The following DPP6 variants were observed in gnomAD, a reference collection of about 807,000 sequenced individuals.
DPP6 encodes A-type potassium channel modulatory protein DPP6.
DPP6 carries 69 observed loss-of-function variants against 122.6 expected under a neutral mutation model. That is an observed-to-expected ratio of 0.56 (90% CI 0.46 to 0.69). The LOEUF is 0.69. Ranked by LOEUF, DPP6 falls within the 30% of genes least tolerant of loss-of-function variation. The pLI is 0.00. For synonymous variants in DPP6, 418 were observed against 433.1 expected (o/e 0.97, Z 0.43); for missense variants, 928 against 1,116.9 (o/e 0.83, Z 2.41).
chr7:154,453,796 G>T (rs1820595757), intron 2 of DPP6, among the ~76,000 whole-genome samples: 1 of 151,834 alleles, frequency 6.6e-6, no homozygotes, highest in African/African-American at 2.4e-5. Context: ...GTAATCATCT[G>T]GTATGTCTAC....
chr7:154,133,469 A>C (rs1021098132), intron 1 of DPP6, among the ~76,000 whole-genome samples: 8 of 152,150 alleles, frequency 5.3e-5, no homozygotes, highest in African/African-American at 1.4e-4. Flanking sequence ...TCAGGGCTCA[A>C]GAGCTGGAGA....
chr7:153,868,289 T>G, the DPP6 span, among the ~76,000 whole-genome samples: 14 of 152,274 alleles, frequency 9.2e-5, 1 homozygote, highest in African/African-American at 3.4e-4. Context: ...CATGGACTTT[T>G]TTTGGTTGGT....
intron 5 of DPP6, among the ~76,000 whole-genome samples, chr7:154,608,082 C>A (rs1275793092): frequency 7.2e-6 from 1 of 139,850 alleles, no homozygotes; most frequent in Non-Finnish European, 1.6e-5. Context: ...CAGGTTCAAG[C>A]AATTCTCCTG....
chr7:154,308,248 GAAATTAGAAAAAA>G (rs1806534438), intron 1 of DPP6, among the ~76,000 whole-genome samples: 2 of 138,228 alleles, frequency 1.4e-5, no homozygotes, highest in African/African-American at 5.3e-5. Flanking sequence ...AATTAGGGGG[GAAATTAGAAAAAA>G]AAAAGATTTT....
At chr7:153,850,696 C>A in the DPP6 span, among the ~76,000 whole-genome samples, 17 of 152,272 alleles carry the variant, frequency 1.1e-4, 1 homozygote, top group Admixed American at 9.8e-4. Flanking sequence ...TTGTGTCTTA[C>A]ATGGTGGCAG....
intron 1 of DPP6, among the ~76,000 whole-genome samples, chr7:153,929,508 C>T (rs1287141832): frequency 6.6e-6 from 1 of 151,944 alleles, no homozygotes. Flanking sequence ...TAGGAGTCAT[C>T]AGCAACTAGA....
At chr7:154,275,725 C>T (rs553445808) in intron 1 of DPP6, among the ~76,000 whole-genome samples, 5 of 152,312 alleles carry the variant, frequency 3.3e-5, no homozygotes, top group African/African-American at 9.6e-5. Flanking sequence ...CTCTGTGAGA[C>T]GTTGTGGGGA....
At chr7:154,172,509 G>A (rs1342575588) in intron 1 of DPP6, among the ~76,000 whole-genome samples, 2 of 152,064 alleles carry the variant, frequency 1.3e-5, no homozygotes, top group Non-Finnish European at 2.9e-5. Context: ...ATCTTGGTCT[G>A]CTTGCCCTGG....
intron 3 of DPP6, among the ~76,000 whole-genome samples, chr7:154,508,600 A>C (rs1354973825): frequency 6.6e-6 from 1 of 152,182 alleles, no homozygotes; most frequent in Non-Finnish European, 1.5e-5. Flanking sequence ...AGCCTAGTTG[A>C]GTGCCTAGGA....
chr7:153,918,249 G>C (rs1002216291), intron 1 of DPP6, among the ~76,000 whole-genome samples: 1 of 152,098 alleles, frequency 6.6e-6, no homozygotes, highest in Non-Finnish European at 1.5e-5. Context: ...ACTTAAAATA[G>C]AGTGAAATAT....
intron 1 of DPP6, among the ~76,000 whole-genome samples, chr7:154,352,604 T>A (rs1810960222): frequency 6.6e-6 from 1 of 151,338 alleles, no homozygotes; most frequent in Non-Finnish European, 1.5e-5. Flanking sequence ...ATGTTCTCAC[T>A]CATAAGTGAA....
chr7:154,183,042 T>C (rs1456143877), intron 1 of DPP6, among the ~76,000 whole-genome samples: 1 of 152,302 alleles, frequency 6.6e-6, no homozygotes, highest in African/African-American at 2.4e-5. Flanking sequence ...GGGGCTAATG[T>C]CACCCATTTC....
chr7:153,777,197 A>C, the DPP6 span, among the ~76,000 whole-genome samples: 7 of 152,356 alleles, frequency 4.6e-5, no homozygotes, highest in Non-Finnish European at 1.0e-4. Context: ...CCACTCTATG[A>C]GTATTATTAG....
At chr7:154,562,595 G>A (rs1357239241) in intron 4 of DPP6, among the ~76,000 whole-genome samples, 1 of 152,112 alleles carries the variant, frequency 6.6e-6, no homozygotes, top group African/African-American at 2.4e-5. Flanking sequence ...GTTCTCTAGA[G>A]TGCAATAAGG....
rs145335736 is a variant in DPP6, at chr7:154,891,649, G to A, written c.2452-685G>A. On this transcript the variant is annotated intron_variant, in intron 25 of 25. Coordinates refer to ENST00000377770, the MANE Select transcript of DPP6 (RefSeq NM_130797.4). ...AGAGAGCATAGGAGTGTAATGGCGC[G>A]ATCTCGGCTCACAGCAACCTCCGCC... 1.9e-3 allele frequency among the ~76,000 whole-genome samples: 285 copies of A among 152,152 alleles called. 6 individuals carry two copies. The East Asian group carries it at 0.049, about 26-fold the overall frequency.
intron 5 of DPP6, among the ~76,000 whole-genome samples, chr7:154,626,514 A>G (rs769320600): frequency 2.6e-5 from 4 of 152,240 alleles, no homozygotes; most frequent in African/African-American, 4.8e-5. Context: ...AACATTCTCT[A>G]TCAATGACCT....
chr7:154,771,879 T>C (rs1796268950), intron 9 of DPP6, among the ~76,000 whole-genome samples: 1 of 152,226 alleles, frequency 6.6e-6, no homozygotes, highest in East Asian at 1.9e-4. Flanking sequence ...ATGGGACTGA[T>C]GCTAGTTCCT....
rs1804939692 is a variant in DPP6 at position 154,877,191 on chromosome 7, T to C, written c.2078+1091T>C. The C allele has an allele frequency of 6.6e-6, 1 of 152,194 alleles. No individual in the cohort carries two copies. Among genetic ancestry groups the C allele is most frequent in the East Asian group, 1.9e-4 (1 of 5,192 alleles). The allele number at this position is 152,194 out of a possible 1,614,324, so 9.4% of individuals were successfully genotyped here. ...ATGTACTCAGCGAATGGTCTTTCAA[T>C]GGAAAACAATGAGCGTGTGAATGAA... On this transcript the variant is annotated intron_variant, in intron 20 of 25. Transcript: ENST00000377770. The surrounding 1 kb of genome is among the most constrained non-coding windows in gnomAD (Gnocchi z 5.2).
chr7:154,469,428 C>T (rs1489889392), intron 2 of DPP6, among the ~76,000 whole-genome samples: 1 of 152,182 alleles, frequency 6.6e-6, no homozygotes, highest in Non-Finnish European at 1.5e-5. Context: ...TCCCCTGACT[C>T]ACAGCTGCTG....
Sources: gnomAD v4.1 joint callset for allele counts (sites outside exome capture counted in the v4.1 genomes callset) on GRCh38, gnomAD v4.1.1 for gene constraint, Gnocchi (gnomAD v3.1) non-coding constraint, MANE v1.5 for transcripts, NCBI Gene and HGNC (gene_info 2026-07-23, HGNC 2026-07-21) for gene names.